The following DLGAP1 variants were observed in gnomAD, a reference collection of about 807,000 sequenced individuals.
The protein encoded by DLGAP1 is disks large-associated protein 1.
In DLGAP1, 11 loss-of-function variants were observed where a neutral mutation model predicts 90.8. That is an observed-to-expected ratio of 0.12 (90% CI 0.08 to 0.20). The LOEUF (loss-of-function observed/expected upper bound fraction) is 0.20. Ranked by LOEUF, DLGAP1 falls within the 10% of genes least tolerant of loss-of-function variation. The pLI, the probability that DLGAP1 is intolerant of heterozygous loss-of-function variation, is 1.00. For synonymous variants in DLGAP1, 558 were observed against 540.7 expected, an observed-to-expected ratio of 1.03 and a Z score of -0.44; for missense variants, 1,050 against 1,333.8, an observed-to-expected ratio of 0.79 and a Z score of 3.31.
chr18:3,619,535 G>A (rs1283234460), intron 7 of DLGAP1, among the ~76,000 whole-genome samples: 4 of 152,068 alleles, frequency 2.6e-5, no homozygotes, highest in Non-Finnish European at 4.4e-5. Flanking sequence ...TGGTCAAGAG[G>A]CCCATATTGA....
chr18:3,798,021 G>A (rs8092626), intron 5 of DLGAP1, among the ~76,000 whole-genome samples: 44,687 of 151,988 alleles, frequency 0.29, 9,460 homozygotes, highest in African/African-American at 0.61. Context: ...TGCCATGATT[G>A]TGAGGCCTCC....
At chr18:3,843,610 C>G (rs1277955424) in intron 4 of DLGAP1, among the ~76,000 whole-genome samples, 1 of 152,116 alleles carries the variant, frequency 6.6e-6, no homozygotes, top group Non-Finnish European at 1.5e-5. Flanking sequence ...GCCCAGCATG[C>G]TCTGGAGCGA....
intron 6 of DLGAP1, among the ~76,000 whole-genome samples, chr18:3,741,186 CA>C (rs150588906): frequency 0.18 from 11,577 of 64,316 alleles, 1,939 homozygotes; most frequent in Non-Finnish European, 0.22. Context: ...CCACCACCAC[CA>C]CCACCACCAC....
chr18:4,381,791 T>C (rs1567876081), intron 1 of DLGAP1, among the ~76,000 whole-genome samples: 1 of 152,156 alleles, frequency 6.6e-6, no homozygotes, highest in Non-Finnish European at 1.5e-5. Flanking sequence ...CACTTGCTTA[T>C]TGTATTAGTC....
chr18:4,154,331 C>CT lies in DLGAP1; in HGVS notation c.-266-3045dup, dbSNP rs994126647. On this transcript the variant is annotated intron_variant, in intron 1 of 12. Coordinates refer to ENST00000315677, the MANE Select transcript of DLGAP1 (RefSeq NM_004746.4). The stretch of plus-strand genomic sequence containing the variant: ...GTGATCCTCCTGCCTTGGCCTCCGC[C>CT]TTTTTTTTTAAATAAAAAAAATTAA... Among the ~76,000 whole-genome samples, 19 of 149,992 alleles carry CT rather than the reference C, an allele frequency of 1.3e-4. No homozygotes were observed. In the East Asian group the frequency reaches 1.4e-3, roughly 11 times the overall value.
At chr18:3,671,421 A>G (rs1454171627) in intron 7 of DLGAP1, among the ~76,000 whole-genome samples, 2 of 152,240 alleles carry the variant, frequency 1.3e-5, no homozygotes, top group African/African-American at 4.8e-5. Context: ...TTATTGCTGT[A>G]TCCTCAGGAG....
At chr18:4,283,329 T>C (rs74552356) in intron 1 of DLGAP1, among the ~76,000 whole-genome samples, 1,710 of 152,314 alleles carry the variant, frequency 0.011, 33 homozygotes, top group African/African-American at 0.038. Flanking sequence ...ATTTCTTAAG[T>C]AACATGGGAG....
intron 3 of DLGAP1, among the ~76,000 whole-genome samples, chr18:3,880,954 AAAAAAAAAAAAAAG>A (rs2071147457): frequency 6.7e-6 from 1 of 148,978 alleles, no homozygotes; most frequent in South Asian, 2.1e-4. Flanking sequence ...GAAAAAAAAA[AAAAAAAAAAAAAAG>A]AAAAAGAAAA....
intron 1 of DLGAP1, among the ~76,000 whole-genome samples, chr18:4,151,989 A>T (rs1218252069): frequency 6.6e-6 from 1 of 152,150 alleles, no homozygotes; most frequent in Non-Finnish European, 1.5e-5. Context: ...TAATAATATT[A>T]AAAAAATAGT....
rs148955432 is a variant in DLGAP1, at chr18:4,337,170, T to C, written c.-267+117836A>G. Among the ~76,000 whole-genome samples, 16 of 145,106 alleles carry C rather than the reference T, an allele frequency of 1.1e-4. No individual in the cohort carries two copies. In the East Asian group the frequency reaches 2.9e-3, roughly 26 times the overall value. On this transcript the variant is annotated intron_variant, in intron 1 of 12. Coordinates refer to ENST00000315677, the MANE Select transcript of DLGAP1 (RefSeq NM_004746.4). ...GCAAAAGTAGTAGTAGGTCAGTTGATACATTGATAGGCCAATAGTTGGCTT... is the reference window on the plus strand; with the variant it reads ...GCAAAAGTAGTAGTAGGTCAGTTGACACATTGATAGGCCAATAGTTGGCTT...
intron 2 of DLGAP1, among the ~76,000 whole-genome samples, chr18:4,122,266 A>G (rs1470644787): frequency 2.0e-5 from 3 of 152,180 alleles, no homozygotes; most frequent in Non-Finnish European, 4.4e-5. Flanking sequence ...AAAATATTAA[A>G]CCAAAAAGCA....
At chr18:3,880,222 T>C in intron 3 of DLGAP1, 82 bp from the exon 4 acceptor site, 1 of 714,236 alleles carries the variant, frequency 1.4e-6, no homozygotes, top group Non-Finnish European at 2.3e-6. Flanking sequence ...CTTGCTCTGT[T>C]GCCCAGGCTA....
chr18:3,904,981 C>CATTATT (rs72077069), intron 3 of DLGAP1, among the ~76,000 whole-genome samples: 23 of 150,990 alleles, frequency 1.5e-4, no homozygotes, highest in Admixed American at 1.5e-3. Flanking sequence ...CCCTATTATT[C>CATTATT]ATTATTATTA....
intron 6 of DLGAP1, among the ~76,000 whole-genome samples, chr18:3,730,140 C>T (rs919741362): frequency 1.3e-5 from 2 of 152,126 alleles, no homozygotes; most frequent in African/African-American, 4.8e-5. Flanking sequence ...TATTACCCAG[C>T]ACTTTGGGAG....
intron 7 of DLGAP1, among the ~76,000 whole-genome samples, chr18:3,666,722 C>G (rs544157331): frequency 9.9e-5 from 15 of 152,280 alleles, no homozygotes; most frequent in Non-Finnish European, 1.9e-4. Flanking sequence ...TGATCAGATT[C>G]TAATCTGTCA....
chr18:4,217,748 T>C (rs2077988388), intron 1 of DLGAP1, among the ~76,000 whole-genome samples: 1 of 152,104 alleles, frequency 6.6e-6, no homozygotes, highest in African/African-American at 2.4e-5. Flanking sequence ...TTTGTGTACT[T>C]TGGATACAAA....
At position 3,879,379 on chromosome 18, in the gene DLGAP1, G is replaced by C; in HGVS notation, c.690C>G (p.Arg230=). 1 of 1,613,416 alleles carries C rather than the reference G, an allele frequency of 6.2e-7. No homozygotes were observed. The highest frequency in any genetic ancestry group is 1.1e-5 in the South Asian group (1 of 91,054). Residue 230 remains arginine, a synonymous_variant, in exon 4 of 13, where the codon CGC becomes CGG. Transcript: ENST00000315677. This position sits in a 1 kb window ranked among gnomAD's most constrained non-coding sequence, Gnocchi z 6.6. The stretch of plus-strand genomic sequence containing the variant: ...CCTCCAGGAAGTACTGTGAGGCCGA[G>C]CGGTCGGGGCACCTGCCCATGGTCA... ...GVMTMGRCPD[R]SASQYFLEAY...
At chr18:3,669,085 A>C (rs942344150) in intron 7 of DLGAP1, among the ~76,000 whole-genome samples, 26 of 152,024 alleles carry the variant, frequency 1.7e-4, no homozygotes, top group Admixed American at 1.7e-3. Flanking sequence ...TGACAAATAC[A>C]AGTGATAAGT....
rs1193196728 is a variant in DLGAP1 at position 3,565,541 on chromosome 18, A to C, written c.2057+1949T>G. ...AAGAAACATATGCCTAGGACATTAA[A>C]GCAATGATTACCGGCCCAGCGCGGT... On this transcript the variant is annotated intron_variant, in intron 9 of 12. Transcript: ENST00000315677. This position sits in a 1 kb window ranked among gnomAD's most constrained non-coding sequence, Gnocchi z 4.0. Among the ~76,000 whole-genome samples, 6 of 152,118 alleles carry C rather than the reference A, an allele frequency of 3.9e-5. No homozygotes were observed. Among genetic ancestry groups the C allele is most frequent in the Non-Finnish European group, 7.4e-5 (5 of 67,998 alleles).
Sources: gnomAD v4.1 joint callset for allele counts (sites outside exome capture counted in the v4.1 genomes callset) on GRCh38, gnomAD v4.1.1 for gene constraint, Gnocchi (gnomAD v3.1) non-coding constraint, MANE v1.5 for transcripts, NCBI Gene and HGNC (gene_info 2026-07-23, HGNC 2026-07-21) for gene names.